Variants in MAU2 observed in about 807,000 individuals in gnomAD.
MAU2 encodes MAU2 sister chromatid cohesion factor, also known as MAU2 chromatid cohesion factor homolog.
In MAU2, 9 loss-of-function variants were observed where a neutral mutation model predicts 89.1. The observed-to-expected ratio is 0.10, with a 90% CI of 0.06 to 0.18. The LOEUF is 0.18. Among genes scored for constraint, MAU2 ranks in the 10% least tolerant of loss-of-function variants. The pLI is 1.00. For synonymous variants in MAU2, 357 were observed against 343.4 expected, an observed-to-expected ratio of 1.04 and a Z score of -0.44; for missense variants, 425 against 803.5, an observed-to-expected ratio of 0.53 and a Z score of 5.69.
intron 2 of MAU2, 43 bp from the exon 3 acceptor site, chr19:19,336,079 C>A: frequency 6.7e-7 from 1 of 1,489,510 alleles, no homozygotes; most frequent in Non-Finnish European, 9.4e-7. Context: ...TTCAAACCGA[C>A]CTTTTTCGCA....
chr19:19,348,511 G>A (rs1375809693), intron 13 of MAU2: 4 of 405,856 alleles, frequency 9.9e-6, no homozygotes, highest in Admixed American at 4.0e-5. Flanking sequence ...AGAGCCTCCC[G>A]GGGTCCCTGC....
At position 19,345,393 on chromosome 19, in the gene MAU2, G is replaced by T. The variant is rs1276405252; in HGVS notation, c.1221+24G>T. On this transcript the variant is annotated intron_variant, in intron 12 of 18. Transcript: ENST00000262815. This position sits in a 1 kb window ranked among gnomAD's most constrained non-coding sequence, Gnocchi z 4.9. The stretch of plus-strand genomic sequence containing the variant: ...GGGTAAGGTGCCGGCCCTCCTTGCT[G>T]CTCGGGGCGGGCCACACTTCTGAGT... The T allele has an allele frequency of 6.2e-7, 1 of 1,611,606 alleles. No homozygotes were observed. The highest frequency in any genetic ancestry group is 1.7e-4 in the Middle Eastern group (1 of 6,058).
intron 4 of MAU2, among the ~76,000 whole-genome samples, chr19:19,338,145 G>A (rs2061612330): frequency 6.6e-6 from 1 of 152,224 alleles, no homozygotes; most frequent in Non-Finnish European, 1.5e-5. Flanking sequence ...GCTGAGAAAA[G>A]TACGCACAGG....
At chr19:19,324,178 A>G (rs548477376) in intron 1 of MAU2, among the ~76,000 whole-genome samples, 44 of 152,272 alleles carry the variant, frequency 2.9e-4, no homozygotes, top group Admixed American at 9.2e-4. Flanking sequence ...GGGAGAAGAG[A>G]TGGAGTTGAC....
intron 16 of MAU2, among the ~76,000 whole-genome samples, chr19:19,351,375 A>G (rs1420568081): frequency 1.3e-5 from 2 of 152,116 alleles, no homozygotes; most frequent in Admixed American, 1.3e-4. Context: ...AAAAAAAAAA[A>G]AAGATATTTT....
chr19:19,330,197 C>G (rs994693312), intron 1 of MAU2, among the ~76,000 whole-genome samples: 2 of 151,392 alleles, frequency 1.3e-5, no homozygotes, highest in Non-Finnish European at 2.9e-5. Context: ...CCAGGTTGGT[C>G]TCAAACTCCT....
chr19:19,321,216 G>C (rs1372982432), intron 1 of MAU2, 81 bp downstream of exon 1: 10 of 1,389,838 alleles, frequency 7.2e-6, no homozygotes, highest in South Asian at 6.3e-5. Flanking sequence ...CGCGGCGGGT[G>C]GGGGGCCGCT....
Position 19,349,376 on chromosome 19 carries a change from G to T in MAU2, c.1488G>T (p.Arg496=), listed in dbSNP as rs139047356. 7 of 1,614,194 alleles carry T rather than the reference G, an allele frequency of 4.3e-6. No individual in the cohort carries two copies. The highest frequency in any genetic ancestry group is 5.9e-6 in the Non-Finnish European group (7 of 1,180,042). ...TGTCCAATGCTGAGGACCTGAACCG[G>T]CTCACAGCCTGCTCCCTCGTGCTTC... ...LKMSNAEDLN[R]LTACSLVLLG... is the part of the protein sequence containing the mutation. The change falls in exon 16 of 19, where the codon CGG becomes CGT. Residue 496 remains arginine, a synonymous_variant. Coordinates refer to ENST00000262815, the MANE Select transcript of MAU2 (RefSeq NM_015329.4).
intron 6 of MAU2, 97 bp downstream of exon 6, chr19:19,340,970 C>A: frequency 6.6e-7 from 1 of 1,522,214 alleles, no homozygotes. Flanking sequence ...CTCTCCATGG[C>A]ATGGCCCCTT....
At chr19:19,326,720 A>ATATATATATATG (rs1599889295) in intron 1 of MAU2, among the ~76,000 whole-genome samples, 2 of 73,362 alleles carry the variant, frequency 2.7e-5, no homozygotes, top group African/African-American at 8.0e-5. Flanking sequence ...ATATATATAT[A>ATATATATATATG]CATATATATA....
chr19:19,338,701 A>T (rs2061616384), intron 4 of MAU2, 144 bp from the exon 5 acceptor site: 1 of 611,008 alleles, frequency 1.6e-6, no homozygotes, highest in Admixed American at 3.0e-5. Flanking sequence ...TGATAAGATA[A>T]TTTGGTTAAT....
chr19:19,349,975 ATTTTTTT>A (rs34536394), intron 16 of MAU2, among the ~76,000 whole-genome samples: 1 of 111,258 alleles, frequency 9.0e-6, no homozygotes, highest in Non-Finnish European at 1.8e-5. Context: ...GAGGTCTTGA[ATTTTTTT>A]TTTTTTTTTT....
chr19:19,344,601 AG>A, intron 10 of MAU2: 1 of 565,896 alleles, frequency 1.8e-6, no homozygotes. Flanking sequence ...AGTAGGCTGG[AG>A]GTCCTTTACA....
intron 1 of MAU2, chr19:19,329,013 C>G: frequency 2.2e-6 from 1 of 455,860 alleles, no homozygotes; most frequent in Non-Finnish European, 4.4e-6. Context: ...GAAAGCAGCT[C>G]CAGACTGTGC....
Position 19,349,158 on chromosome 19 carries a change from G to A in MAU2, c.1362G>A (p.Ser454=), listed in dbSNP as rs142482998. ...INPDHSFPVS[S]HCLRAAAFYV... is the part of the protein sequence containing the mutation. ...TGATACTGCACTCTCCCTGCAGCTC[G>A]CACTGCCTCCGAGCAGCCGCCTTCT... The change falls in exon 15 of 19, where the codon TCG becomes TCA. Residue 454 remains serine (S), a synonymous_variant. Transcript: ENST00000262815. 3,114 of 1,614,042 alleles carry A rather than the reference G, an allele frequency of 1.9e-3. 7 individuals carry two copies. Among genetic ancestry groups the A allele is most frequent in the Non-Finnish European group, 2.3e-3 (2,714 of 1,180,016 alleles).
chr19:19,323,806 C>T (rs1339977390), intron 1 of MAU2, among the ~76,000 whole-genome samples: 4 of 152,222 alleles, frequency 2.6e-5, no homozygotes, highest in Non-Finnish European at 4.4e-5. Flanking sequence ...TTAGTCCTCA[C>T]TTGATCAACT....
At chr19:19,326,690 AAATATATATATG>A (rs2061507229) in intron 1 of MAU2, among the ~76,000 whole-genome samples, 1 of 111,844 alleles carries the variant, frequency 8.9e-6, no homozygotes, top group Admixed American at 1.1e-4. Flanking sequence ...TCTCAAAAAA[AAATATATATATG>A]TATATATATA....
intron 1 of MAU2, among the ~76,000 whole-genome samples, chr19:19,328,769 C>T (rs866318427): frequency 2.6e-5 from 4 of 152,168 alleles, no homozygotes; most frequent in Non-Finnish European, 5.9e-5. Context: ...TATCCCTTGG[C>T]CTGGGAAGTG....
intron 16 of MAU2, among the ~76,000 whole-genome samples, chr19:19,349,862 C>T (rs1015268833): frequency 2.6e-5 from 4 of 152,136 alleles, no homozygotes; most frequent in African/African-American, 7.2e-5. Context: ...GTACAAGTGG[C>T]CCCTGGGATT....
Sources: allele counts gnomAD v4.1 joint callset (sites outside exome capture counted in the v4.1 genomes callset), GRCh38; gene constraint gnomAD v4.1.1; non-coding constraint Gnocchi (gnomAD v3.1); transcripts MANE v1.5; gene names NCBI Gene and HGNC (gene_info 2026-07-23, HGNC 2026-07-21).